ADA: variants seen among roughly 807,000 people sequenced by gnomAD.
The protein encoded by ADA is adenosine aminohydrolase.
Under a neutral mutation model 49.0 loss-of-function variants are expected in ADA, and 45 were observed. That is an observed-to-expected ratio of 0.92 (90% CI 0.72 to 1.18). ADA has a LOEUF of 1.18. ADA is among the 50% of genes most tolerant of loss of function. The probability of loss-of-function intolerance (pLI) is 0.00; values close to 1 mark genes in which losing one functional copy is unlikely to be tolerated. For missense variants in ADA, 445 were observed against 472.5 expected (o/e 0.94, Z 0.54); for synonymous variants, 173 against 184.2 (o/e 0.94, Z 0.49).
In ADA at chr20:44,619,824, A is replaced by G. The variant is rs780009011; in HGVS notation, c.*10T>C. ...ACTCCACAGGGTGAAGGCTTGGAGGAGTGGCGTCTTCAGAGGTTCTGCCCT... is the reference window on the plus strand; with the variant it reads ...ACTCCACAGGGTGAAGGCTTGGAGGGGTGGCGTCTTCAGAGGTTCTGCCCT... On this transcript the variant is annotated 3_prime_UTR_variant, in exon 12 of 12. Transcript: ENST00000372874. 30 of 1,614,046 alleles carry G rather than the reference A, an allele frequency of 1.9e-5. No homozygotes were observed. Among genetic ancestry groups the G allele is most frequent in the Non-Finnish European group, 2.2e-5 (26 of 1,180,020 alleles).
At chr20:44,624,669 A>G (rs2065365526) in intron 5 of ADA, among the ~76,000 whole-genome samples, 1 of 152,236 alleles carries the variant, frequency 6.6e-6, no homozygotes, top group African/African-American at 2.4e-5. Context: ...AACAACACTC[A>G]TGGTAGGCTT....
intron 2 of ADA, 33 bp from the exon 3 acceptor site, chr20:44,629,202 C>T (rs763669048): frequency 4.3e-5 from 70 of 1,613,750 alleles, no homozygotes; most frequent in Middle Eastern, 1.6e-4. Context: ...TGGACCAACC[C>T]GGGGCAGGAT....
intron 2 of ADA, among the ~76,000 whole-genome samples, chr20:44,630,641 A>T (rs78156193): frequency 0.025 from 3,752 of 152,312 alleles, 147 homozygotes; most frequent in African/African-American, 0.086. Flanking sequence ...CAAAAAGACA[A>T]GATGATGAAA....
intron 1 of ADA, among the ~76,000 whole-genome samples, chr20:44,644,771 G>C (rs888804177): frequency 6.6e-6 from 1 of 152,202 alleles, no homozygotes; most frequent in African/African-American, 2.4e-5. Flanking sequence ...CCAGCTCCGA[G>C]GTACACAGTG....
Position 44,622,886 on chromosome 20 carries a change from G to A in ADA, c.723C>T (p.His241=). The A allele has an allele frequency of 1.2e-6, 2 of 1,614,262 alleles. No individual in the cohort carries two copies. Among genetic ancestry groups the A allele is most frequent in the Non-Finnish European group, 1.7e-6 (2 of 1,180,044 alleles). ...TATAAAGGGCCTGGTCTTCCAGGGT[G>A]TGGTAGCCGTGTCCCAGCCGCTCTG... is the stretch of plus-strand genomic sequence containing the variant. ...LKTERLGHGY[H]TLEDQALYNR... is the part of the protein sequence containing the mutation. The change falls in exon 8 of 12, where the codon CAC becomes CAT. Residue 241 remains histidine (H), a synonymous_variant. Coordinates refer to ENST00000372874, the MANE Select transcript of ADA (RefSeq NM_000022.4).
At chr20:44,636,311 G>A (rs746675140) in intron 1 of ADA, 23 bp from the exon 2 acceptor site, 2 of 1,570,728 alleles carry the variant, frequency 1.3e-6, no homozygotes, top group South Asian at 1.1e-5. Flanking sequence ...AGGGGGAAGA[G>A]AGAGAGAAAG....
At chr20:44,644,149 G>T (rs147457736) in intron 1 of ADA, among the ~76,000 whole-genome samples, 91 of 91,030 alleles carry the variant, frequency 1.0e-3, no homozygotes, top group African/African-American at 3.3e-3. Context: ...AATCTGACTG[G>T]GTTTACCTTG....
At position 44,629,032 on chromosome 20, in the gene ADA, T is replaced by A; in HGVS notation, c.218+15A>T. ...TCAATGCTGCCCTAGGACCTGTGGG[T>A]TGGGGGCAACTCACGCGATAGCAGG... On this transcript the variant is annotated intron_variant, in intron 3 of 11. Coordinates refer to ENST00000372874, the MANE Select transcript of ADA (RefSeq NM_000022.4). 1 of 1,614,042 alleles carries A rather than the reference T, an allele frequency of 6.2e-7. No homozygotes were observed. The highest frequency in any genetic ancestry group is 8.5e-7 in the Non-Finnish European group (1 of 1,180,008).
chr20:44,651,471 C>G (rs1479839345), intron 1 of ADA, 104 bp downstream of exon 1: 1 of 1,159,450 alleles, frequency 8.6e-7, no homozygotes, highest in Non-Finnish European at 1.2e-6. Flanking sequence ...TGCAGGAGCC[C>G]CCGTTCGTTC....
intron 3 of ADA, among the ~76,000 whole-genome samples, chr20:44,627,335 C>G (rs1186718839): frequency 6.6e-6 from 1 of 152,146 alleles, no homozygotes; most frequent in Non-Finnish European, 1.5e-5. Flanking sequence ...GCGCATGCCA[C>G]CACGCCCGGC....
intron 1 of ADA, among the ~76,000 whole-genome samples, chr20:44,641,963 T>A (rs1229138244): frequency 7.9e-5 from 12 of 152,094 alleles, no homozygotes; most frequent in African/African-American, 2.9e-4. Context: ...AGACAGGGTT[T>A]CACCATGTTG....
intron 1 of ADA, among the ~76,000 whole-genome samples, chr20:44,642,450 A>AG (rs2065545393): frequency 6.6e-6 from 1 of 152,226 alleles, no homozygotes; most frequent in Admixed American, 6.5e-5. Context: ...GATCACTTAA[A>AG]GGGGGAGTTC....
chr20:44,629,242 C>G, intron 2 of ADA, 73 bp from the exon 3 acceptor site: 1 of 1,604,586 alleles, frequency 6.2e-7, no homozygotes, highest in Non-Finnish European at 8.5e-7. Context: ...CAGGATGGAG[C>G]AGACTCAGGA....
intron 1 of ADA, among the ~76,000 whole-genome samples, chr20:44,647,331 G>C (rs986023852): frequency 2.6e-5 from 4 of 152,008 alleles, no homozygotes; most frequent in African/African-American, 4.8e-5. Flanking sequence ...AGCTACTTGG[G>C]AGGCTGAGGC....
rs759425144 is a variant in ADA, at chr20:44,624,304, C to T, written c.504G>A (p.Leu168=). The change falls in exon 6 of 12, where the codon CTG becomes CTA. Residue 168 remains leucine (L), a synonymous_variant. Coordinates refer to ENST00000372874, the MANE Select transcript of ADA (RefSeq NM_000022.4). ...CGGTCTGCTGCTGGTACTTCTTACA[C>T]AGCTCCACCACCTTGGGGGACCAGT... is the stretch of plus-strand genomic sequence containing the variant. ...QPNWSPKVVE[L]CKKYQQQTVV... 8 of 1,613,902 alleles carry T rather than the reference C, an allele frequency of 5.0e-6. No individual in the cohort carries two copies. The South Asian group carries it at 6.6e-5, about 13-fold the overall frequency.
At chr20:44,626,305 T>A in intron 4 of ADA, 151 bp downstream of exon 4, 1 of 1,073,018 alleles carries the variant, frequency 9.3e-7, no homozygotes, top group South Asian at 1.4e-5. Context: ...GTGACAGAGT[T>A]AAACCCATCT....
At chr20:44,623,170 G>A in intron 6 of ADA, 92 bp from the exon 7 acceptor site, 1 of 1,576,112 alleles carries the variant, frequency 6.3e-7, no homozygotes, top group Non-Finnish European at 8.6e-7. Context: ...AACCATCCTA[G>A]TCATGCTGCC....
At chr20:44,635,886 A>G (rs1355849004) in intron 2 of ADA, among the ~76,000 whole-genome samples, 1 of 151,748 alleles carries the variant, frequency 6.6e-6, no homozygotes, top group East Asian at 1.9e-4. Context: ...CGACAGAGCA[A>G]GACTCTATCT....
chr20:44,626,445 C>T lies in ADA; in HGVS notation c.362+11G>A. 6 of 1,613,594 alleles carry T rather than the reference C, an allele frequency of 3.7e-6. 1 individual carries two copies. The South Asian group carries it at 6.6e-5, about 18-fold the overall frequency. On this transcript the variant is annotated intron_variant, in intron 4 of 11. Transcript: ENST00000372874. ...ACCCTCAGCATGGCCCCTTCCAGGC[C>T]CATCACTCACTCAGCCTGGTTCCAG...
Sources: gnomAD v4.1 joint callset for allele counts (sites outside exome capture counted in the v4.1 genomes callset) on GRCh38, gnomAD v4.1.1 for gene constraint, MANE v1.5 for transcripts, NCBI Gene and HGNC (gene_info 2026-07-23, HGNC 2026-07-21) for gene names.